The following TENM4 variants were observed in gnomAD, a reference collection of about 807,000 sequenced individuals.
TENM4 encodes teneurin-4.
A neutral mutation model predicts 243.3 loss-of-function variants in TENM4; 82 were observed. The ratio of observed to expected loss-of-function variants is 0.34; its 90% CI spans 0.28 to 0.40. The LOEUF (loss-of-function observed/expected upper bound fraction) is 0.40, where lower values mean the gene tolerates loss of function less well. Ranked by LOEUF, TENM4 falls within the 10% of genes least tolerant of loss-of-function variation. The pLI is 1.00. For missense variants in TENM4, 3,138 were observed against 3,673.3 expected, an observed-to-expected ratio of 0.85 and a Z score of 3.77; for synonymous variants, 1,412 against 1,456.3, an observed-to-expected ratio of 0.97 and a Z score of 0.69.
rs1050730839 is a variant in TENM4 at position 79,031,948 on chromosome 11, C to T, written c.493+32790G>A. Among the ~76,000 whole-genome samples, 3 of 152,294 alleles carry T rather than the reference C, an allele frequency of 2.0e-5. No individual in the cohort carries two copies. The East Asian group carries it at 5.8e-4, about 29-fold the overall frequency. On this transcript the variant is annotated intron_variant, in intron 6 of 33. Coordinates refer to ENST00000278550, the MANE Select transcript of TENM4 (RefSeq NM_001098816.3). Reference sequence around the variant, plus strand: ...ACTAAACATCCTACAATGCACAAGACAGACTCCACAACAAAGCGTTGTCTG... The same window carrying T: ...ACTAAACATCCTACAATGCACAAGATAGACTCCACAACAAAGCGTTGTCTG...
intron 6 of TENM4, among the ~76,000 whole-genome samples, chr11:78,955,041 A>G (rs1256272887): frequency 6.6e-6 from 1 of 152,206 alleles, no homozygotes; most frequent in Non-Finnish European, 1.5e-5. Flanking sequence ...GAAGTTTGTA[A>G]CTGGGAAACT....
At chr11:78,973,437 GC>G (rs1327662453) in intron 6 of TENM4, among the ~76,000 whole-genome samples, 2 of 152,148 alleles carry the variant, frequency 1.3e-5, no homozygotes, top group African/African-American at 4.8e-5. Context: ...ATGATGCTTG[GC>G]ATATTTTCAT....
chr11:78,661,393 C>A (rs542872672), intron 33 of TENM4, 56 bp downstream of exon 33: 17 of 1,569,340 alleles, frequency 1.1e-5, no homozygotes, highest in Admixed American at 3.7e-5. Flanking sequence ...GCTGAAGGGA[C>A]CCCCTCCAGT....
chr11:78,909,591 C>G (rs1856138264), intron 6 of TENM4, among the ~76,000 whole-genome samples: 1 of 152,206 alleles, frequency 6.6e-6, no homozygotes, highest in Non-Finnish European at 1.5e-5. Flanking sequence ...GTGTCGACCA[C>G]AATAATTCTT....
At chr11:79,290,321 G>A (rs560947656) in intron 2 of TENM4, among the ~76,000 whole-genome samples, 2 of 152,300 alleles carry the variant, frequency 1.3e-5, no homozygotes, top group East Asian at 3.8e-4. Context: ...TTATATGTAT[G>A]TAATATTTTA....
chr11:79,305,872 G>C (rs1344772155), intron 1 of TENM4, among the ~76,000 whole-genome samples: 1 of 152,212 alleles, frequency 6.6e-6, no homozygotes, highest in Admixed American at 6.5e-5. Flanking sequence ...GGTCACCCTT[G>C]CCAGCAACTT....
At chr11:79,171,194 G>A (rs568090127) in intron 3 of TENM4, among the ~76,000 whole-genome samples, 20 of 152,286 alleles carry the variant, frequency 1.3e-4, no homozygotes, top group African/African-American at 4.6e-4. Context: ...AGCAGGAAAG[G>A]GTAGAGAGGG....
At chr11:79,017,507 G>A (rs1858810574) in intron 6 of TENM4, among the ~76,000 whole-genome samples, 1 of 151,978 alleles carries the variant, frequency 6.6e-6, no homozygotes. Context: ...TCTATTTGCA[G>A]AAAGAAACCC....
intron 4 of TENM4, among the ~76,000 whole-genome samples, chr11:79,135,710 C>T (rs1392997858): frequency 7.2e-6 from 1 of 138,400 alleles, no homozygotes; most frequent in Non-Finnish European, 1.6e-5. Context: ...ATACATCATA[C>T]ATATATGATC....
intron 2 of TENM4, among the ~76,000 whole-genome samples, chr11:79,242,018 G>T (rs1855429923): frequency 2.0e-5 from 3 of 152,156 alleles, no homozygotes; most frequent in Admixed American, 2.0e-4. Context: ...TTTCATTTCT[G>T]ATCCTTGCAT....
intron 6 of TENM4, among the ~76,000 whole-genome samples, chr11:78,938,253 C>G (rs1856826754): frequency 1.3e-5 from 2 of 152,352 alleles, no homozygotes; most frequent in Admixed American, 1.3e-4. Context: ...GCCATTCACC[C>G]TAGGTGCTGG....
At chr11:79,153,037 G>A (rs947314848) in intron 3 of TENM4, among the ~76,000 whole-genome samples, 7 of 152,140 alleles carry the variant, frequency 4.6e-5, no homozygotes, top group Non-Finnish European at 1.0e-4. Flanking sequence ...CTTACTGCGG[G>A]GAAAGTTTGT....
At chr11:78,904,108 C>A (rs1486975417) in intron 6 of TENM4, among the ~76,000 whole-genome samples, 1 of 151,826 alleles carries the variant, frequency 6.6e-6, no homozygotes, top group Non-Finnish European at 1.5e-5. Context: ...AGCCTGTAAT[C>A]CCAGCACTTT....
At chr11:78,670,712 T>G (rs940325753) in intron 31 of TENM4, among the ~76,000 whole-genome samples, 161 bp from the exon 32 acceptor site, 4 of 151,922 alleles carry the variant, frequency 2.6e-5, no homozygotes, top group Non-Finnish European at 4.4e-5. Context: ...CCAACAGGAG[T>G]GTCACGGGAT....
chr11:78,813,599 T>A (rs908396850), intron 13 of TENM4, among the ~76,000 whole-genome samples: 1 of 152,184 alleles, frequency 6.6e-6, no homozygotes, highest in Non-Finnish European at 1.5e-5. Flanking sequence ...GGGGCCAAGT[T>A]AGTTTCCCAG....
chr11:79,385,438 A>G (rs886550992), intron 1 of TENM4, among the ~76,000 whole-genome samples: 1 of 152,074 alleles, frequency 6.6e-6, no homozygotes, highest in African/African-American at 2.4e-5. Flanking sequence ...AGGTTATTAA[A>G]CCCTCTATTT....
chr11:78,921,067 A>G (rs539935753), intron 6 of TENM4, among the ~76,000 whole-genome samples: 4 of 152,322 alleles, frequency 2.6e-5, no homozygotes, highest in East Asian at 3.9e-4. Context: ...AGTCTGTCCA[A>G]TAAGTGGTGG....
Position 78,655,669 on chromosome 11 carries a change from C to G in TENM4, c.*2389G>C, listed in dbSNP as rs1403456446. On this transcript the variant is annotated 3_prime_UTR_variant, in exon 34 of 34. Transcript: ENST00000278550. ...GAGCTGGTTCCTGTGGACCGCATGCCGTTCCTGACCTCTGAGCAGACATCC... is the reference window on the plus strand; with the variant it reads ...GAGCTGGTTCCTGTGGACCGCATGCGGTTCCTGACCTCTGAGCAGACATCC... 2 of 152,296 alleles carry G rather than the reference C, an allele frequency of 1.3e-5. No homozygotes were observed. The highest frequency in any genetic ancestry group is 2.9e-5 in the Non-Finnish European group (2 of 68,152). 9.4% of individuals were successfully genotyped at this position (152,296 alleles called of 1,614,324 possible).
At chr11:79,208,306 A>T (rs1185721484) in intron 3 of TENM4, among the ~76,000 whole-genome samples, 1 of 152,240 alleles carries the variant, frequency 6.6e-6, no homozygotes, top group African/African-American at 2.4e-5. Flanking sequence ...TTTATGACAG[A>T]GCAACAAACA....
Sources: gnomAD v4.1 joint callset for allele counts (sites outside exome capture counted in the v4.1 genomes callset) on GRCh38, gnomAD v4.1.1 for gene constraint, MANE v1.5 for transcripts, NCBI Gene and HGNC (gene_info 2026-07-23, HGNC 2026-07-21) for gene names.